CLASP2: variants seen among roughly 807,000 people sequenced by gnomAD.
The protein encoded by CLASP2 is cytoplasmic linker associated protein 2.
Under a neutral mutation model 194.4 loss-of-function variants are expected in CLASP2, and 47 were observed. The observed-to-expected ratio is 0.24, with a 90% CI of 0.19 to 0.31. CLASP2 has a LOEUF of 0.31. CLASP2 is among the 10% of genes least tolerant of loss of function. The pLI, the probability that CLASP2 is intolerant of heterozygous loss-of-function variation, is 1.00. For synonymous variants in CLASP2, 619 were observed against 633.5 expected (o/e 0.98, Z 0.34); for missense variants, 1,445 against 1,823.6 (o/e 0.79, Z 3.78).
chr3:33,499,067 C>T (rs1575533728), intron 38 of CLASP2, among the ~76,000 whole-genome samples: 1 of 152,028 alleles, frequency 6.6e-6, no homozygotes, highest in Admixed American at 6.6e-5. Context: ...ATTGTAATCC[C>T]CATGTGTTGG....
At chr3:33,692,715 A>G (rs1258844305) in intron 2 of CLASP2, among the ~76,000 whole-genome samples, 1 of 152,216 alleles carries the variant, frequency 6.6e-6, no homozygotes, top group Non-Finnish European at 1.5e-5. Flanking sequence ...TGATCATTGA[A>G]TTATCATTTA....
intron 10 of CLASP2, among the ~76,000 whole-genome samples, chr3:33,625,539 T>C (rs2077871160): frequency 2.0e-5 from 3 of 149,868 alleles, no homozygotes; most frequent in Admixed American, 6.7e-5. Context: ...AGTTTCTAAG[T>C]AATGTATCAA....
intron 27 of CLASP2, chr3:33,563,872 A>T: frequency 4.4e-6 from 2 of 456,016 alleles, no homozygotes; most frequent in Non-Finnish European, 8.8e-6. Flanking sequence ...GCTATCTGGA[A>T]ACATAAACTC....
At position 33,602,878 on chromosome 3, in the gene CLASP2, T is replaced by C. The variant is rs769959267; in HGVS notation, c.1924+74A>G. On this transcript the variant is annotated intron_variant, in intron 18 of 38. Transcript: ENST00000682230. Reference sequence around the variant, plus strand: ...AATAACAAGAATGAATAGAAATGATTAAGGTATATGAACTTGTCTTCACAG... The same window carrying C: ...AATAACAAGAATGAATAGAAATGATCAAGGTATATGAACTTGTCTTCACAG... The C allele has an allele frequency of 8.3e-6, 11 of 1,323,716 alleles. No individual in the cohort carries two copies. In the Admixed American group the frequency reaches 2.2e-4, roughly 26 times the overall value. The allele number at this position is 1,323,716 out of a possible 1,614,324, so 82.0% of individuals were successfully genotyped here. A position where few individuals can be genotyped will look rare whatever the true frequency, so the allele number is the denominator to read the frequency against.
At chr3:33,667,105 C>T (rs940479922) in intron 6 of CLASP2, among the ~76,000 whole-genome samples, 3 of 152,016 alleles carry the variant, frequency 2.0e-5, no homozygotes, top group African/African-American at 2.4e-5. Flanking sequence ...AGTCAAGATA[C>T]GTGTCTTAGA....
intron 31 of CLASP2, among the ~76,000 whole-genome samples, chr3:33,543,794 AG>A (rs1011665671): frequency 7.2e-5 from 11 of 152,238 alleles, no homozygotes; most frequent in African/African-American, 2.4e-4. Flanking sequence ...ATTTCCCTCA[AG>A]GATTGAATGT....
intron 27 of CLASP2, chr3:33,564,115 T>G: frequency 2.8e-6 from 1 of 351,616 alleles, no homozygotes; most frequent in Non-Finnish European, 5.5e-6. Flanking sequence ...TTCCCATCTC[T>G]AACACATACC....
intron 35 of CLASP2, 120 bp from the exon 36 acceptor site, chr3:33,516,271 G>A: frequency 2.6e-6 from 2 of 764,786 alleles, no homozygotes; most frequent in South Asian, 2.4e-5. Flanking sequence ...ACTGCATAAA[G>A]TATGCGGTAT....
chr3:33,498,628 T>C lies in CLASP2; in HGVS notation c.*3A>G. 6.2e-6 allele frequency: 10 copies of C among 1,603,342 alleles called. No homozygotes were observed. The highest frequency in any genetic ancestry group is 8.5e-6 in the Non-Finnish European group (10 of 1,171,458). ...GAGACCTGGTTCGCTGTGATGAGCTTCACTAACTTTGTCCAGAAACATCAG... is the reference window on the plus strand; with the variant it reads ...GAGACCTGGTTCGCTGTGATGAGCTCCACTAACTTTGTCCAGAAACATCAG... On this transcript the variant is annotated 3_prime_UTR_variant, in exon 39 of 39. Transcript: ENST00000682230.
intron 7 of CLASP2, chr3:33,645,349 G>A (rs907695204): frequency 1.3e-6 from 1 of 764,870 alleles, no homozygotes; most frequent in Admixed American, 1.7e-5. Context: ...CTCACCCTAG[G>A]AGGCTCCCAA....
chr3:33,608,512 A>C (rs1173663278), intron 14 of CLASP2, 55 bp downstream of exon 14: 2 of 1,355,712 alleles, frequency 1.5e-6, no homozygotes, highest in Non-Finnish European at 1.0e-6. Flanking sequence ...ATCAACTTCT[A>C]AAGAACTGGT....
intron 5 of CLASP2, among the ~76,000 whole-genome samples, chr3:33,685,002 AAAATAAAT>A (rs371649189): frequency 4.5e-4 from 66 of 146,558 alleles, no homozygotes; most frequent in Middle Eastern, 3.6e-3. Context: ...ACTCCATCTC[AAAATAAAT>A]AAATAAATAA....
chr3:33,659,526 A>G (rs886164167), intron 7 of CLASP2: 3 of 468,948 alleles, frequency 6.4e-6, no homozygotes, highest in Non-Finnish European at 8.4e-6. Flanking sequence ...TTTACAACAG[A>G]AGATTGCTAG....
At chr3:33,715,703 C>G (rs1295404222) in intron 1 of CLASP2, among the ~76,000 whole-genome samples, 1 of 152,090 alleles carries the variant, frequency 6.6e-6, no homozygotes, top group Admixed American at 6.6e-5. Flanking sequence ...TTAAGACACT[C>G]AGATTCTGAA....
At chr3:33,666,328 C>A (rs755369352) in intron 6 of CLASP2, among the ~76,000 whole-genome samples, 2 of 152,144 alleles carry the variant, frequency 1.3e-5, no homozygotes, top group African/African-American at 2.4e-5. Flanking sequence ...CAAAAAATAA[C>A]CACATACCCA....
At chr3:33,565,618 G>A (rs2154185113) in intron 27 of CLASP2, among the ~76,000 whole-genome samples, 1 of 151,770 alleles carries the variant, frequency 6.6e-6, no homozygotes, top group South Asian at 2.1e-4. Flanking sequence ...TTCGAGACCA[G>A]CCTGACTAAC....
intron 6 of CLASP2, among the ~76,000 whole-genome samples, chr3:33,668,455 A>C (rs2086582967): frequency 2.0e-5 from 3 of 152,222 alleles, no homozygotes; most frequent in Admixed American, 6.5e-5. Flanking sequence ...TCACTATAAC[A>C]AAAGAATACT....
intron 22 of CLASP2, among the ~76,000 whole-genome samples, chr3:33,583,437 C>T (rs1276829968): frequency 6.6e-6 from 1 of 152,238 alleles, no homozygotes; most frequent in Non-Finnish European, 1.5e-5. Context: ...AGGGAACTCA[C>T]TGTACCTTTG....
At chr3:33,577,503 T>C (rs1197571576) in intron 23 of CLASP2, among the ~76,000 whole-genome samples, 1 of 151,530 alleles carries the variant, frequency 6.6e-6, no homozygotes, top group Non-Finnish European at 1.5e-5. Flanking sequence ...AGTATTCAAA[T>C]GGAAGGAAAT....
Sources: allele counts gnomAD v4.1 joint callset (sites outside exome capture counted in the v4.1 genomes callset), GRCh38; gene constraint gnomAD v4.1.1; transcripts MANE v1.5; gene names NCBI Gene and HGNC (gene_info 2026-07-23, HGNC 2026-07-21).